The following THSD4 variants were observed in gnomAD, a reference collection of about 807,000 sequenced individuals.
THSD4 encodes the protein thrombospondin type-1 domain-containing protein 4.
THSD4 carries 69 observed loss-of-function variants against 119.0 expected under a neutral mutation model. The ratio of observed to expected loss-of-function variants is 0.58; its 90% CI spans 0.48 to 0.71. The LOEUF is 0.71. Ranked by LOEUF, THSD4 falls within the 30% of genes least tolerant of loss-of-function variation. The pLI, the probability that THSD4 is intolerant of heterozygous loss-of-function variation, is 0.00. For missense variants in THSD4, 1,393 were observed against 1,391.1 expected, an observed-to-expected ratio of 1.00 and a Z score of -0.02; for synonymous variants, 524 against 540.4, an observed-to-expected ratio of 0.97 and a Z score of 0.42.
chr15:71,592,887 G>A (rs1002500223), intron 7 of THSD4, among the ~76,000 whole-genome samples: 2 of 152,176 alleles, frequency 1.3e-5, no homozygotes, highest in African/African-American at 4.8e-5. Context: ...CTCTCTCATC[G>A]CGTTCCAGCT....
At chr15:71,735,950 C>G (rs2053087260) in intron 10 of THSD4, among the ~76,000 whole-genome samples, 2 of 150,438 alleles carry the variant, frequency 1.3e-5, no homozygotes, top group South Asian at 4.2e-4. Context: ...CTCTCTGTCT[C>G]TCTTGCTGTC....
intron 3 of THSD4, among the ~76,000 whole-genome samples, chr15:71,188,577 G>A (rs1238318993): frequency 1.3e-5 from 2 of 152,132 alleles, no homozygotes; most frequent in Non-Finnish European, 2.9e-5. Flanking sequence ...GATCTGACCT[G>A]CAGAAGCTGC....
intron 6 of THSD4, among the ~76,000 whole-genome samples, chr15:71,367,854 A>G (rs2045986001): frequency 1.3e-5 from 2 of 152,216 alleles, no homozygotes; most frequent in African/African-American, 4.8e-5. Context: ...TTGAGGAATC[A>G]CCACACTGTC....
intron 6 of THSD4, among the ~76,000 whole-genome samples, chr15:71,350,247 A>C (rs888545288): frequency 6.6e-6 from 1 of 152,088 alleles, no homozygotes; most frequent in Non-Finnish European, 1.5e-5. Context: ...GTTTGACCAC[A>C]TTTACTCACT....
chr15:71,716,616 A>C (rs569789901), intron 8 of THSD4, among the ~76,000 whole-genome samples: 1 of 125,312 alleles, frequency 8.0e-6, no homozygotes, highest in South Asian at 2.5e-4. Context: ...TCTAATGACC[A>C]GTGCTTTAGA....
chr15:71,390,489 G>C (rs555002145), intron 6 of THSD4, among the ~76,000 whole-genome samples: 29 of 152,124 alleles, frequency 1.9e-4, no homozygotes, highest in Non-Finnish European at 3.7e-4. Flanking sequence ...CTTTACATAA[G>C]TCTACAGAGG....
chr15:71,407,708 C>T (rs770515301), intron 6 of THSD4, among the ~76,000 whole-genome samples: 22 of 151,790 alleles, frequency 1.4e-4, no homozygotes, highest in African/African-American at 4.1e-4. Context: ...TAAATTCAGG[C>T]GTGGGATCTG....
chr15:71,214,078 C>T (rs1403171583), intron 3 of THSD4, among the ~76,000 whole-genome samples: 1 of 144,802 alleles, frequency 6.9e-6, no homozygotes, highest in Non-Finnish European at 1.5e-5. Context: ...TGTAAATGCA[C>T]CAATCAGCAC....
chr15:71,130,910 A>AT (rs2040497991), intron 1 of THSD4, among the ~76,000 whole-genome samples: 2 of 151,780 alleles, frequency 1.3e-5, no homozygotes, highest in Non-Finnish European at 2.9e-5. Flanking sequence ...ACGCCCGTCT[A>AT]TTTTTTTGTA....
At chr15:71,408,196 A>G (rs1422249662) in intron 6 of THSD4, among the ~76,000 whole-genome samples, 3 of 151,860 alleles carry the variant, frequency 2.0e-5, no homozygotes, top group Non-Finnish European at 4.4e-5. Flanking sequence ...GTGAATATCC[A>G]TGCAAAACCT....
At chr15:71,172,968 A>C (rs796759532) in intron 3 of THSD4, among the ~76,000 whole-genome samples, 114 of 151,984 alleles carry the variant, frequency 7.5e-4, no homozygotes, top group African/African-American at 2.5e-3. Context: ...CAAAAACAAT[A>C]CAAGGATGCC....
intron 6 of THSD4, among the ~76,000 whole-genome samples, chr15:71,377,035 C>G (rs1430017411): frequency 6.6e-6 from 1 of 152,124 alleles, no homozygotes; most frequent in Non-Finnish European, 1.5e-5. Context: ...CCACAGTTAT[C>G]TGGGCCTGAT....
At chr15:71,600,683 G>T (rs2049989843) in intron 7 of THSD4, among the ~76,000 whole-genome samples, 1 of 151,824 alleles carries the variant, frequency 6.6e-6, no homozygotes, top group South Asian at 2.1e-4. Context: ...ACTACATTCT[G>T]CATTTCACCT....
intron 7 of THSD4, among the ~76,000 whole-genome samples, chr15:71,591,371 G>C (rs888587862): frequency 6.6e-6 from 1 of 152,174 alleles, no homozygotes; most frequent in Non-Finnish European, 1.5e-5. Flanking sequence ...ATCTCCTTCT[G>C]TTTTCTGTTT....
intron 7 of THSD4, among the ~76,000 whole-genome samples, chr15:71,602,553 CAAAAAAAA>C (rs59370074): frequency 3.0e-3 from 163 of 53,900 alleles, no homozygotes; most frequent in Non-Finnish European, 4.5e-3. Context: ...AACTCTGTCT[CAAAAAAAA>C]AAAAAAAAAA....
At chr15:71,663,919 T>G (rs1201653295) in intron 8 of THSD4, among the ~76,000 whole-genome samples, 1 of 152,198 alleles carries the variant, frequency 6.6e-6, no homozygotes, top group African/African-American at 2.4e-5. Flanking sequence ...AAGTTTGATC[T>G]GCAGAATAAG....
intron 1 of THSD4, among the ~76,000 whole-genome samples, chr15:71,132,403 A>C (rs1162136244): frequency 6.6e-6 from 1 of 152,248 alleles, no homozygotes; most frequent in Non-Finnish European, 1.5e-5. Context: ...TTATGAGGTA[A>C]GGTAAAAATA....
At chr15:71,558,795 T>A (rs929822695) in intron 7 of THSD4, among the ~76,000 whole-genome samples, 1 of 152,212 alleles carries the variant, frequency 6.6e-6, no homozygotes, top group African/African-American at 2.4e-5. Context: ...TTTTAAAATT[T>A]TTCATTATGA....
chr15:71,742,653 A>C (rs2053258940), intron 11 of THSD4, among the ~76,000 whole-genome samples: 1 of 152,338 alleles, frequency 6.6e-6, no homozygotes, highest in South Asian at 2.1e-4. Context: ...TAGAGGAATA[A>C]TTGAATTGCA....
Sources: gnomAD v4.1 joint callset for allele counts (sites outside exome capture counted in the v4.1 genomes callset) on GRCh38, gnomAD v4.1.1 for gene constraint, MANE v1.5 for transcripts, NCBI Gene and HGNC (gene_info 2026-07-23, HGNC 2026-07-21) for gene names.